The following XPOT variants were observed in gnomAD, a reference collection of about 807,000 sequenced individuals.
XPOT encodes the protein exportin-T.
XPOT carries 34 observed loss-of-function variants against 128.2 expected under a neutral mutation model. The ratio of observed to expected loss-of-function variants is 0.27; its 90% CI spans 0.20 to 0.35. XPOT has a LOEUF of 0.35. Among genes scored for constraint, XPOT ranks in the 10% least tolerant of loss-of-function variants. The probability of loss-of-function intolerance (pLI) is 1.00; values close to 1 mark genes in which losing one functional copy is unlikely to be tolerated. For synonymous variants in XPOT, 348 were observed against 394.3 expected (o/e 0.88, Z 1.39); for missense variants, 838 against 1,125.3 (o/e 0.74, Z 3.65).
chr12:64,415,144 A>G (rs1233571357), intron 3 of XPOT, among the ~76,000 whole-genome samples, 155 bp downstream of exon 3: 2 of 151,794 alleles, frequency 1.3e-5, no homozygotes, highest in Non-Finnish European at 2.9e-5. Context: ...TCCATGTAGA[A>G]ATGAGAAAAG....
In XPOT at chr12:64,430,142, G is replaced by A; in HGVS notation, c.1831G>A (p.Glu611Lys). Residue 611 changes from glutamate to lysine, a missense_variant, in exon 17 of 25, where the codon GAA (glutamate) becomes AAA (lysine). Physicochemically the swap from Glu to Lys is moderately conservative, Grantham distance 56 (BLOSUM62 1). This residue lies in a region of XPOT where 761 missense variants were observed against 988.3 expected (regional missense o/e 0.77). Transcript: ENST00000332707. ...GATTGTTAATAGTGAATATCCGGCAGAAAGGAAACAAGCCTTAATGAGGAA... is the reference window on the plus strand; with the variant it reads ...GATTGTTAATAGTGAATATCCGGCAAAAAGGAAACAAGCCTTAATGAGGAA... Reference protein sequence around the residue: ...VLIVNSEYPAERKQALMRNLL... With the variant: ...VLIVNSEYPAKRKQALMRNLL... 1 of 1,613,888 alleles carries A rather than the reference G, an allele frequency of 6.2e-7. No homozygotes were observed. Among genetic ancestry groups the A allele is most frequent in the East Asian group, 2.2e-5 (1 of 44,868 alleles).
chr12:64,409,676 A>G, intron 1 of XPOT: 1 of 182,186 alleles, frequency 5.5e-6, no homozygotes, highest in Non-Finnish European at 1.2e-5. Context: ...CGGAGCTTGC[A>G]GTGAGCTGAT....
At chr12:64,405,964 T>G (rs1375828510) in intron 1 of XPOT, among the ~76,000 whole-genome samples, 2 of 152,100 alleles carry the variant, frequency 1.3e-5, no homozygotes, top group Admixed American at 6.6e-5. Context: ...GGGGATTCTT[T>G]CTGTAGTGAC....
At chr12:64,416,797 G>T in intron 4 of XPOT, 43 bp downstream of exon 4, 1 of 1,522,346 alleles carries the variant, frequency 6.6e-7, no homozygotes, top group Middle Eastern at 1.8e-4. Context: ...TGCGGGGAGA[G>T]GTCATTTTTT....
Position 64,450,559 on chromosome 12 carries a change from T to G in XPOT, c.*2428T>G, listed in dbSNP as rs1299520957. Reference sequence around the variant, plus strand: ...GCTAAGAGAAATCAGGGCATGGAAATTGAGTGTGTAATAAAAATTAAACTC... The same window carrying G: ...GCTAAGAGAAATCAGGGCATGGAAAGTGAGTGTGTAATAAAAATTAAACTC... On this transcript the variant is annotated 3_prime_UTR_variant, in exon 25 of 25. Coordinates refer to ENST00000332707, the MANE Select transcript of XPOT (RefSeq NM_007235.6). 1 of 152,248 alleles carries G rather than the reference T, an allele frequency of 6.6e-6. No homozygotes were observed. Among genetic ancestry groups the G allele is most frequent in the East Asian group, 1.9e-4 (1 of 5,204 alleles). The allele number at this position is 152,248 out of a possible 1,614,324, so 9.4% of individuals were successfully genotyped here. A position where few individuals can be genotyped will look rare whatever the true frequency, so the allele number is the denominator to read the frequency against.
intron 22 of XPOT, among the ~76,000 whole-genome samples, chr12:64,437,854 C>T (rs1021923162): frequency 2.0e-5 from 3 of 152,180 alleles, no homozygotes; most frequent in African/African-American, 7.2e-5. Flanking sequence ...GTGGTGCACG[C>T]CTGTAATCCC....
At chr12:64,424,859 ACTTGT>A in intron 12 of XPOT, 136 bp downstream of exon 12, 1 of 1,356,068 alleles carries the variant, frequency 7.4e-7, no homozygotes, top group African/African-American at 1.5e-5. Flanking sequence ...GAAACAATGC[ACTTGT>A]CTTCTTGATT....
intron 24 of XPOT, among the ~76,000 whole-genome samples, chr12:64,447,347 A>C (rs1429278562): frequency 2.2e-4 from 33 of 152,226 alleles, no homozygotes; most frequent in Admixed American, 2.2e-3. Context: ...CATGCCTAGC[A>C]CAGCCTCTAG....
At chr12:64,418,465 G>A (rs1336591214) in intron 5 of XPOT, among the ~76,000 whole-genome samples, 1 of 152,152 alleles carries the variant, frequency 6.6e-6, no homozygotes, top group African/African-American at 2.4e-5. Flanking sequence ...GGCCAGTTGA[G>A]TTCTTTTCAG....
chr12:64,411,303 C>T (rs2040036575), intron 2 of XPOT, among the ~76,000 whole-genome samples: 3 of 152,164 alleles, frequency 2.0e-5, no homozygotes, highest in Non-Finnish European at 1.5e-5. Context: ...CTTGGTATTG[C>T]ATGCTTGTAA....
rs1483467910 is a variant in XPOT, at chr12:64,430,105, A to G, written c.1794A>G (p.Thr598=). The change falls in exon 17 of 25, where the codon ACA becomes ACG. Residue 598 remains threonine (T), a synonymous_variant. Coordinates refer to ENST00000332707, the MANE Select transcript of XPOT (RefSeq NM_007235.6). The stretch of plus-strand genomic sequence containing the variant: ...ATGATCAACTTTTTATTTATGAGAC[A>G]GCTGGAGTGCTGATTGTTAATAGTG... ...SSDDQLFIYE[T]AGVLIVNSEY... is the part of the protein sequence containing the mutation. 3.7e-6 allele frequency: 6 copies of G among 1,613,398 alleles called. No homozygotes were observed. The highest frequency in any genetic ancestry group is 5.1e-6 in the Non-Finnish European group (6 of 1,179,674).
chr12:64,414,630 A>G (rs554567833), intron 2 of XPOT, among the ~76,000 whole-genome samples: 1 of 152,312 alleles, frequency 6.6e-6, no homozygotes, highest in Admixed American at 6.5e-5. Context: ...ATTCTTCATA[A>G]TAACCCCATG....
chr12:64,438,345 A>G (rs571384061), intron 22 of XPOT, among the ~76,000 whole-genome samples: 1 of 152,348 alleles, frequency 6.6e-6, no homozygotes, highest in African/African-American at 2.4e-5. Context: ...ACTCTTTTAA[A>G]GTGATAACAG....
intron 1 of XPOT, among the ~76,000 whole-genome samples, chr12:64,408,171 G>A (rs1000331263): frequency 3.9e-5 from 6 of 152,058 alleles, no homozygotes; most frequent in African/African-American, 1.4e-4. Flanking sequence ...GTGCAGTGGC[G>A]TGATCCCAGC....
intron 11 of XPOT, among the ~76,000 whole-genome samples, chr12:64,423,608 C>T (rs1173608795): frequency 6.6e-6 from 1 of 152,084 alleles, no homozygotes; most frequent in African/African-American, 2.4e-5. Flanking sequence ...CATGTGCCAC[C>T]ATGCCCGGCT....
At position 64,405,771 on chromosome 12, in the gene XPOT, C is replaced by T. The variant is rs115026934; in HGVS notation, c.-75+967C>T. Among the ~76,000 whole-genome samples the T allele has an allele frequency of 4.7e-3, 708 of 152,202 alleles. 8 individuals are homozygous for T. Among genetic ancestry groups the T allele is most frequent in the African/African-American group, 0.016 (670 of 41,520 alleles). On this transcript the variant is annotated intron_variant, in intron 1 of 24. Coordinates refer to ENST00000332707, the MANE Select transcript of XPOT (RefSeq NM_007235.6). ...GTAGCTCTATTACAGGTGCGCCCCG[C>T]CACACCTGGCTACTTTTTGTATTTT...
chr12:64,415,132 A>G, intron 3 of XPOT, 143 bp downstream of exon 3: 2 of 589,030 alleles, frequency 3.4e-6, no homozygotes, highest in Non-Finnish European at 6.0e-6. Context: ...ACATATAGTC[A>G]TTCCATGTAG....
intron 2 of XPOT, among the ~76,000 whole-genome samples, chr12:64,413,347 C>G (rs2040057963): frequency 6.6e-6 from 1 of 152,064 alleles, no homozygotes. Flanking sequence ...AAGTGATCTT[C>G]CAGCCTCAAG....
chr12:64,414,386 A>G (rs2040067791), intron 2 of XPOT, among the ~76,000 whole-genome samples: 1 of 152,212 alleles, frequency 6.6e-6, no homozygotes, highest in Admixed American at 6.5e-5. Flanking sequence ...TCTTTAGGGA[A>G]CTTACATGAT....
Sources: allele counts gnomAD v4.1 joint callset (sites outside exome capture counted in the v4.1 genomes callset), GRCh38; gene constraint gnomAD v4.1.1; regional missense constraint gnomAD v4.1.1; transcripts MANE v1.5; gene names NCBI Gene and HGNC (gene_info 2026-07-23, HGNC 2026-07-21).